PAXBP1: variants seen among roughly 807,000 people sequenced by gnomAD.
PAXBP1 encodes PAX3 and PAX7 binding protein 1.
Under a neutral mutation model 119.9 loss-of-function variants are expected in PAXBP1, and 44 were observed. The ratio of observed to expected loss-of-function variants is 0.37; its 90% CI spans 0.29 to 0.47. The LOEUF (loss-of-function observed/expected upper bound fraction) is 0.47. Ranked by LOEUF, PAXBP1 falls within the 20% of genes least tolerant of loss-of-function variation. PAXBP1 has a pLI of 0.99. For missense variants in PAXBP1, 898 were observed against 1,134.1 expected, an observed-to-expected ratio of 0.79 and a Z score of 2.99; for synonymous variants, 393 against 406.6, an observed-to-expected ratio of 0.97 and a Z score of 0.40.
Position 32,733,945 on chromosome 21 carries a change from T to C in PAXBP1, c.*1005A>G, listed in dbSNP as rs923056021. ...TGCTTGGCTAAATCTTAATTACATATATAATTATCAAACGATAGTCCTTAA... is the reference window on the plus strand; with the variant it reads ...TGCTTGGCTAAATCTTAATTACATACATAATTATCAAACGATAGTCCTTAA... On this transcript the variant is annotated 3_prime_UTR_variant, in exon 18 of 18. Coordinates refer to ENST00000331923, the MANE Select transcript of PAXBP1 (RefSeq NM_016631.4). 5 of 152,738 alleles carry C rather than the reference T, an allele frequency of 3.3e-5. No homozygotes were observed. In the East Asian group the frequency reaches 7.7e-4, roughly 24 times the overall value. The allele number at this position is 152,738 out of a possible 1,614,324, so 9.5% of individuals were successfully genotyped here.
chr21:32,760,441 G>A (rs1370047469), intron 5 of PAXBP1, among the ~76,000 whole-genome samples: 3 of 152,114 alleles, frequency 2.0e-5, no homozygotes, highest in East Asian at 1.9e-4. Flanking sequence ...ATAGGTTTAC[G>A]TTTATGCAAT....
chr21:32,759,963 A>G lies in PAXBP1; in HGVS notation c.1007T>C (p.Met336Thr), dbSNP rs141504564. 8.7e-6 allele frequency: 14 copies of G among 1,613,956 alleles called. No individual in the cohort carries two copies. The highest frequency in any genetic ancestry group is 6.7e-5 in the East Asian group (3 of 44,894). ...VQASQPAEVN[M>T]YYQNTYQTMP... ...TGTCTGGTAAGTGTTCTGGTAGTAC[A>G]TATTCACTTCTGCGGGTTGACTGGC... Residue 336 changes from methionine (M) to threonine (T), a missense_variant, in exon 6 of 18, where the codon ATG becomes ACG. Around this residue, in one of 2 missense-constraint regions of PAXBP1, gnomAD observed 599 missense variants for 852.7 expected, o/e 0.70. Transcript: ENST00000331923.
At chr21:32,763,692 TAA>T (rs2044189361) in intron 3 of PAXBP1, among the ~76,000 whole-genome samples, 1 of 152,112 alleles carries the variant, frequency 6.6e-6, no homozygotes, top group African/African-American at 2.4e-5. Flanking sequence ...GACATAAAAC[TAA>T]CAGAAATTAG....
chr21:32,767,048 T>C (rs948552260), intron 2 of PAXBP1, among the ~76,000 whole-genome samples: 1 of 152,222 alleles, frequency 6.6e-6, no homozygotes, highest in South Asian at 2.1e-4. Context: ...TTTTCCTTTA[T>C]ATACGGCTCC....
At chr21:32,748,406 A>G (rs973380913) in intron 11 of PAXBP1, 93 bp downstream of exon 11, 5 of 1,251,462 alleles carry the variant, frequency 4.0e-6, no homozygotes, top group African/African-American at 3.0e-5. Context: ...CCCCTGCAAA[A>G]TATTTTGCTT....
intron 4 of PAXBP1, 126 bp downstream of exon 4, chr21:32,761,970 C>T (rs2044155735): frequency 2.1e-6 from 2 of 967,598 alleles, no homozygotes; most frequent in South Asian, 3.2e-5. Context: ...GTCCACGAGT[C>T]AAGACACTGC....
chr21:32,739,931 G>T (rs549804052), intron 15 of PAXBP1, among the ~76,000 whole-genome samples: 1 of 88,684 alleles, frequency 1.1e-5, no homozygotes, highest in Non-Finnish European at 1.9e-5. Flanking sequence ...ACAAGACCTC[G>T]TCTCTTTAAA....
chr21:32,745,716 T>A lies in PAXBP1; in HGVS notation c.1926A>T (p.Ala642=). 1 of 1,613,810 alleles carries A rather than the reference T, an allele frequency of 6.2e-7. No homozygotes were observed. The highest frequency in any genetic ancestry group is 8.5e-7 in the Non-Finnish European group (1 of 1,179,838). ...LQLLTWTPLE[A]KCRDFENMLW... is the part of the protein sequence containing the mutation. ...GCATATTCTCAAAGTCACGACATTT[T>A]GCCTAAAAGACATTTAAAAGGTTAC... The change falls in exon 12 of 18, where the codon GCA becomes GCT. Residue 642 remains alanine (A), a splice_region_variant and synonymous_variant. Transcript: ENST00000331923.
At chr21:32,756,241 A>T (rs1432508548) in intron 7 of PAXBP1, 4 of 521,140 alleles carry the variant, frequency 7.7e-6, no homozygotes, top group Non-Finnish European at 1.6e-5. Flanking sequence ...AACACTAATG[A>T]CCACTACACA....
At chr21:32,748,772 T>C in intron 10 of PAXBP1, 74 bp from the exon 11 acceptor site, 1 of 1,322,258 alleles carries the variant, frequency 7.6e-7, no homozygotes, top group Non-Finnish European at 1.0e-6. Context: ...ATATTTTCAG[T>C]GTTTTCTTTG....
chr21:32,771,645 C>A lies in PAXBP1; in HGVS notation c.24G>T (p.Val8=). MFRKARR[V]NVRKRNDSEE... ...CGGAGTCGTTCCGCTTGCGCACGTTCACCCGCCGGGCCTTTCGGAACATCC... is the reference window on the plus strand; with the variant it reads ...CGGAGTCGTTCCGCTTGCGCACGTTAACCCGCCGGGCCTTTCGGAACATCC... The change falls in exon 1 of 18, where the codon GTG becomes GTT. Residue 8 remains valine (V), a synonymous_variant. Coordinates refer to ENST00000331923, the MANE Select transcript of PAXBP1 (RefSeq NM_016631.4). The A allele has an allele frequency of 6.9e-7, 1 of 1,444,418 alleles. No homozygotes were observed. The highest frequency in any genetic ancestry group is 9.1e-7 in the Non-Finnish European group (1 of 1,100,938). The allele number at this position is 1,444,418 out of a possible 1,614,324, so 89.5% of individuals were successfully genotyped here.
At chr21:32,748,744 T>A in intron 10 of PAXBP1, 46 bp from the exon 11 acceptor site, 1 of 1,525,522 alleles carries the variant, frequency 6.6e-7, no homozygotes, top group Admixed American at 1.9e-5. Context: ...TAGTATGAAG[T>A]AGGAAAAAAA....
chr21:32,743,184 T>TA (rs2043814954), intron 15 of PAXBP1, 64 bp downstream of exon 15: 2 of 1,245,532 alleles, frequency 1.6e-6, no homozygotes, highest in African/African-American at 1.5e-5. Context: ...CAAAACACTC[T>TA]AAAAAATGTA....
intron 15 of PAXBP1, among the ~76,000 whole-genome samples, chr21:32,741,798 GGA>G (rs1288175585): frequency 3.3e-5 from 5 of 152,146 alleles, no homozygotes; most frequent in Non-Finnish European, 7.4e-5. Context: ...AACCCTCAAG[GGA>G]GAACAGGACT....
intron 4 of PAXBP1, among the ~76,000 whole-genome samples, chr21:32,761,866 C>T (rs1569165972): frequency 6.6e-6 from 1 of 151,934 alleles, no homozygotes; most frequent in Non-Finnish European, 1.5e-5. Flanking sequence ...CCCATAACTA[C>T]AAAAAAATTA....
At chr21:32,770,324 G>A (rs1013310391) in intron 1 of PAXBP1, among the ~76,000 whole-genome samples, 4 of 152,134 alleles carry the variant, frequency 2.6e-5, no homozygotes, top group Non-Finnish European at 5.9e-5. Flanking sequence ...TCAATTCTGA[G>A]TAACTACATC....
chr21:32,749,251 G>A (rs758778394), intron 10 of PAXBP1, among the ~76,000 whole-genome samples: 52 of 151,378 alleles, frequency 3.4e-4, no homozygotes, highest in Non-Finnish European at 5.7e-4. Flanking sequence ...CTGGAGTGAA[G>A]TGGTGCGATC....
chr21:32,739,466 G>A (rs1412007360), intron 15 of PAXBP1, among the ~76,000 whole-genome samples: 2 of 152,186 alleles, frequency 1.3e-5, no homozygotes, highest in East Asian at 3.9e-4. Flanking sequence ...GACAGTGCTT[G>A]GTACATAGTA....
chr21:32,740,315 A>G (rs1163484589), intron 15 of PAXBP1, among the ~76,000 whole-genome samples: 1 of 152,222 alleles, frequency 6.6e-6, no homozygotes, highest in East Asian at 1.9e-4. Flanking sequence ...TTTCTTACAT[A>G]TTGATTGATG....
Sources: allele counts gnomAD v4.1 joint callset (sites outside exome capture counted in the v4.1 genomes callset), GRCh38; gene constraint gnomAD v4.1.1; regional missense constraint gnomAD v4.1.1; transcripts MANE v1.5; gene names NCBI Gene and HGNC (gene_info 2026-07-23, HGNC 2026-07-21).